RAB37: variants seen among roughly 807,000 people sequenced by gnomAD.
RAB37 encodes the protein ras-related protein Rab-37.
RAB37 carries 29 observed loss-of-function variants against 33.1 expected under a neutral mutation model. The observed-to-expected ratio is 0.88, with a 90% CI of 0.65 to 1.20. The LOEUF (loss-of-function observed/expected upper bound fraction) is 1.20, where lower values mean the gene tolerates loss of function less well. Ranked by LOEUF, RAB37 falls within the 50% of genes most tolerant of loss-of-function variation. The pLI, the probability that RAB37 is intolerant of heterozygous loss-of-function variation, is 0.00. For missense variants in RAB37, 299 were observed against 301.1 expected (o/e 0.99, Z 0.05); for synonymous variants, 128 against 119.5 (o/e 1.07, Z -0.47).
rs772149322 is a variant in RAB37 at position 74,729,762 on chromosome 17, A to G, written c.183+396A>G. 3.0e-4 allele frequency among the ~76,000 whole-genome samples: 45 copies of G among 152,146 alleles called. No homozygotes were observed. The highest frequency in any genetic ancestry group is 6.0e-4 in the Non-Finnish European group (41 of 68,024). ...CCACCTTGCTCTCCTCCTGCTCCCCATCTCCTTCTGGGGCTCCACATTGGA... is the reference window on the plus strand; with the variant it reads ...CCACCTTGCTCTCCTCCTGCTCCCCGTCTCCTTCTGGGGCTCCACATTGGA... On this transcript the variant is annotated intron_variant, in intron 2 of 7. Transcript: ENST00000340415. The surrounding 1 kb of genome is among the most constrained non-coding windows in gnomAD (Gnocchi z 4.2).
intron 1 of RAB37, among the ~76,000 whole-genome samples, chr17:74,727,331 C>A (rs1435714377): frequency 6.6e-6 from 1 of 152,206 alleles, no homozygotes; most frequent in Admixed American, 6.5e-5. Flanking sequence ...GAGGGAAATG[C>A]CTGTGAGAGA....
rs915614275 is a variant in RAB37, at chr17:74,738,369, G to C, written c.93+1004G>C. 6.6e-6 allele frequency among the ~76,000 whole-genome samples: 1 copy of C among 152,170 alleles called. No homozygotes were observed. Among genetic ancestry groups the C allele is most frequent in the African/African-American group, 2.4e-5 (1 of 41,436 alleles). The stretch of plus-strand genomic sequence containing the variant: ...TCCGCCCAGAGCCGTTGAGATAGGC[G>C]TCCTGTGTGGGCTTGTGGCAGGAAA... On this transcript the variant is annotated intron_variant, in intron 1 of 8. Coordinates refer to ENST00000392613, the MANE Select transcript of RAB37 (RefSeq NM_001006638.3). This position sits in a 1 kb window ranked among gnomAD's most constrained non-coding sequence, Gnocchi z 5.0.
intron 1 of RAB37, among the ~76,000 whole-genome samples, chr17:74,717,371 T>C (rs1240935673): frequency 6.6e-6 from 1 of 151,804 alleles, no homozygotes; most frequent in East Asian, 1.9e-4. Context: ...CTCCAAAGAG[T>C]GAGTCTGAAA....
intron 1 of RAB37, chr17:74,705,420 T>C: frequency 1.9e-6 from 1 of 539,742 alleles, no homozygotes; most frequent in East Asian, 2.8e-5. Context: ...CTTTAATGAA[T>C]TGCTTTGACC....
intron 1 of RAB37, among the ~76,000 whole-genome samples, chr17:74,678,971 C>T (rs540879663): frequency 3.3e-5 from 5 of 152,026 alleles, no homozygotes; most frequent in South Asian, 2.1e-4. Context: ...ATTAGCTGGG[C>T]GTGGTGGCAG....
chr17:74,712,572 A>G (rs2034045936), intron 1 of RAB37, among the ~76,000 whole-genome samples: 1 of 152,246 alleles, frequency 6.6e-6, no homozygotes, highest in African/African-American at 2.4e-5. Flanking sequence ...GGCGGGGCCT[A>G]CAGTCTGTCC....
rs1368018198 is a variant in RAB37 at position 74,713,314 on chromosome 17, AC to A, written c.73-15941del. 1.7e-4 allele frequency among the ~76,000 whole-genome samples: 26 copies of A among 149,166 alleles called. No individual in the cohort carries two copies. In the East Asian group the frequency reaches 3.6e-3, roughly 20 times the overall value. ...GAACAAGACTCTGTCTCAAACAAAA[AC>A]AAAAAAAAAAAAAAAAAGAGGAAGG... On this transcript the variant is annotated intron_variant, in intron 1 of 7. Transcript: ENST00000340415.
intron 1 of RAB37, among the ~76,000 whole-genome samples, chr17:74,726,267 G>A (rs1472495930): frequency 6.7e-6 from 1 of 149,388 alleles, no homozygotes; most frequent in Non-Finnish European, 1.5e-5. Flanking sequence ...TGACCAATAT[G>A]AGAGGATCAT....
Position 74,671,615 on chromosome 17 carries a change from A to AG in RAB37, c.32dup (p.Gly12ArgfsTer5). The stretch of plus-strand genomic sequence containing the variant: ...GACCTGCAGAGACCCGATTCCTACC[A>AG]GGGAGGAGCTGGCCCTGACTTCAAC... On this transcript the variant is annotated frameshift_variant, in exon 1 of 8. Coordinates refer to the RAB37 transcript ENST00000340415. LOFTEE classifies it high-confidence loss of function. The surrounding 1 kb of genome is among the most constrained non-coding windows in gnomAD (Gnocchi z 5.0). 6.2e-7 allele frequency: 1 copy of AG among 1,614,236 alleles called. No homozygotes were observed. Among genetic ancestry groups the AG allele is most frequent in the Non-Finnish European group, 8.5e-7 (1 of 1,180,034 alleles).
chr17:74,704,677 G>T, intron 1 of RAB37: 2 of 1,614,176 alleles, frequency 1.2e-6, no homozygotes, highest in Non-Finnish European at 1.7e-6. Context: ...GGATCTTGCA[G>T]TCACGCCAAA....
chr17:74,705,493 T>C, intron 1 of RAB37: 1 of 480,958 alleles, frequency 2.1e-6, no homozygotes, highest in Non-Finnish European at 3.8e-6. Context: ...TTGTCCACCT[T>C]TCTGCCAATC....
intron 1 of RAB37, among the ~76,000 whole-genome samples, chr17:74,720,790 C>T (rs887928751): frequency 4.6e-5 from 7 of 152,006 alleles, no homozygotes; most frequent in East Asian, 3.9e-4. Context: ...TCTTGGTACC[C>T]GGGTTCTTGT....
chr17:74,732,451 C>G (rs1051999259), upstream of RAB37, among the ~76,000 whole-genome samples: 1 of 135,178 alleles, frequency 7.4e-6, no homozygotes, highest in Admixed American at 7.8e-5. Context: ...CCCCTGCCCC[C>G]ATCTCTGCAG....
chr17:74,709,843 G>A (rs1033569430), intron 1 of RAB37, among the ~76,000 whole-genome samples: 1 of 152,072 alleles, frequency 6.6e-6, no homozygotes, highest in Non-Finnish European at 1.5e-5. Flanking sequence ...AAAGTGCTGG[G>A]ATTACAGGCT....
intron 1 of RAB37, chr17:74,704,457 C>T: frequency 6.4e-7 from 1 of 1,556,500 alleles, no homozygotes; most frequent in East Asian, 2.2e-5. Context: ...GAGACACACA[C>T]ATATATACAC....
chr17:74,732,580 AGT>A (rs1297424190), upstream of RAB37, among the ~76,000 whole-genome samples: 2 of 105,776 alleles, frequency 1.9e-5, no homozygotes, highest in Non-Finnish European at 4.0e-5. Context: ...GTGTGGTGTG[AGT>A]GTGTGTGTAT....
At chr17:74,686,535 C>A (rs1048794626) in intron 1 of RAB37, among the ~76,000 whole-genome samples, 2 of 152,070 alleles carry the variant, frequency 1.3e-5, no homozygotes, top group African/African-American at 2.4e-5. Flanking sequence ...GGATTACAGG[C>A]GTACACCACT....
intron 1 of RAB37, among the ~76,000 whole-genome samples, chr17:74,739,928 G>A (rs568248103): frequency 1.3e-4 from 19 of 151,896 alleles, no homozygotes; most frequent in African/African-American, 3.1e-4. Flanking sequence ...AGGCTGAGGC[G>A]GGCGGATCAC....
At chr17:74,695,042 T>C (rs1053268717) in intron 1 of RAB37, 2 of 1,555,766 alleles carry the variant, frequency 1.3e-6, no homozygotes, top group Non-Finnish European at 1.7e-6. Flanking sequence ...AGACGGTCGA[T>C]GAGGCAGGAG....
Sources: allele counts gnomAD v4.1 joint callset (sites outside exome capture counted in the v4.1 genomes callset), GRCh38; gene constraint gnomAD v4.1.1; non-coding constraint Gnocchi (gnomAD v3.1); transcripts MANE v1.5; gene names NCBI Gene and HGNC (gene_info 2026-07-23, HGNC 2026-07-21).